Variants in SLC24A3 observed in about 807,000 individuals in gnomAD.
SLC24A3 encodes the protein solute carrier family 24 member 3.
In SLC24A3, 28 loss-of-function variants were observed where a neutral mutation model predicts 75.8. That is an observed-to-expected ratio of 0.37 (90% confidence interval 0.27 to 0.51). The LOEUF is 0.51. Among genes scored for constraint, SLC24A3 ranks in the 20% least tolerant of loss-of-function variants. The pLI, the probability that SLC24A3 is intolerant of heterozygous loss-of-function variation, is 0.94. For missense variants in SLC24A3, 663 were observed against 847.8 expected (o/e 0.78, Z 2.71); for synonymous variants, 372 against 334.1 (o/e 1.11, Z -1.24).
chr20:19,291,688 C>T (rs946929811), intron 2 of SLC24A3, among the ~76,000 whole-genome samples: 7 of 152,232 alleles, frequency 4.6e-5, no homozygotes, highest in Non-Finnish European at 1.0e-4. Context: ...TGGATTTGGG[C>T]CCAGCCCAGT....
At chr20:19,511,585 C>T (rs1455166371) in intron 2 of SLC24A3, among the ~76,000 whole-genome samples, 2 of 152,154 alleles carry the variant, frequency 1.3e-5, no homozygotes, top group Non-Finnish European at 2.9e-5. Context: ...CATCGGCCTC[C>T]CAAAGTGCTG....
intron 2 of SLC24A3, among the ~76,000 whole-genome samples, chr20:19,327,189 G>A (rs182878967): frequency 8.5e-5 from 13 of 152,270 alleles, no homozygotes; most frequent in Non-Finnish European, 1.9e-4. Flanking sequence ...TAGATTACTG[G>A]AAATGCGTTG....
At chr20:19,359,687 C>T (rs549723540) in intron 2 of SLC24A3, among the ~76,000 whole-genome samples, 1 of 152,324 alleles carries the variant, frequency 6.6e-6, no homozygotes, top group East Asian at 1.9e-4. Flanking sequence ...CGACAGTCTA[C>T]AGAGAAAAAT....
At chr20:19,293,921 A>AC (rs149833624) in intron 2 of SLC24A3, among the ~76,000 whole-genome samples, 8,332 of 151,854 alleles carry the variant, frequency 0.055, 741 homozygotes, top group African/African-American at 0.19. Flanking sequence ...GTTCTAGGAC[A>AC]CCCCCCCACC....
intron 2 of SLC24A3, among the ~76,000 whole-genome samples, chr20:19,452,376 ATGTGTG>A (rs34840970): frequency 0.019 from 2,179 of 113,040 alleles, 44 homozygotes; most frequent in African/African-American, 0.046. Context: ...CCTGTGGGGG[ATGTGTG>A]TGTGTGTGTG....
chr20:19,714,422 AAAAAC>A (rs1363756396), intron 15 of SLC24A3, among the ~76,000 whole-genome samples: 4 of 138,888 alleles, frequency 2.9e-5, no homozygotes, highest in African/African-American at 5.4e-5. Context: ...AAAAAAAAAA[AAAAAC>A]AACAAAAAGA....
intron 1 of SLC24A3, among the ~76,000 whole-genome samples, chr20:19,259,834 T>C (rs1191840342): frequency 6.6e-6 from 1 of 152,250 alleles, no homozygotes; most frequent in Non-Finnish European, 1.5e-5. Context: ...TTTATAGTTT[T>C]TTCCCCCTGT....
At chr20:19,663,644 G>A (rs559272373) in intron 7 of SLC24A3, among the ~76,000 whole-genome samples, 2 of 151,364 alleles carry the variant, frequency 1.3e-5, no homozygotes, top group East Asian at 4.0e-4. Flanking sequence ...CTCTTTCCCT[G>A]TCTGCCTCCC....
intron 15 of SLC24A3, among the ~76,000 whole-genome samples, chr20:19,704,530 A>T (rs2032907015): frequency 6.6e-6 from 1 of 152,218 alleles, no homozygotes; most frequent in Non-Finnish European, 1.5e-5. Context: ...GGAAGGATAG[A>T]CAGTACATAC....
rs1376384287 is a variant in SLC24A3, at chr20:19,381,071, A to G, written c.271+99984A>G. 5.3e-5 allele frequency among the ~76,000 whole-genome samples: 8 copies of G among 152,236 alleles called. No homozygotes were observed. The East Asian group carries it at 1.5e-3, about 29-fold the overall frequency. ...TCAGTGTCCTGCATAGATGGTAGCT[A>G]TTAGCATAATGACTATCACTAATAT... On this transcript the variant is annotated intron_variant, in intron 2 of 16. Coordinates refer to ENST00000328041, the MANE Select transcript of SLC24A3 (RefSeq NM_020689.4).
chr20:19,527,147 C>G (rs2030213669), intron 3 of SLC24A3, among the ~76,000 whole-genome samples: 1 of 152,120 alleles, frequency 6.6e-6, no homozygotes, highest in Non-Finnish European at 1.5e-5. Flanking sequence ...TGGAAGCTTT[C>G]TTTGACTTCC....
rs533483457 is a variant in SLC24A3 at position 19,438,052 on chromosome 20, C to G, written c.272-77436C>G. Among the ~76,000 whole-genome samples the G allele has an allele frequency of 7.2e-5, 11 of 152,302 alleles. 1 individual carries two copies. Among genetic ancestry groups the G allele is most frequent in the South Asian group, 4.1e-4 (2 of 4,822 alleles). On this transcript the variant is annotated intron_variant, in intron 2 of 16. Transcript: ENST00000328041. ...CCTGAAAGGCTCTGGCATTAGTGCCCAAACACTCTCACTTCCTCAAGGTCC... is the reference window on the plus strand; with the variant it reads ...CCTGAAAGGCTCTGGCATTAGTGCCGAAACACTCTCACTTCCTCAAGGTCC...
At chr20:19,247,223 G>A (rs1267569232) in intron 1 of SLC24A3, among the ~76,000 whole-genome samples, 1 of 152,148 alleles carries the variant, frequency 6.6e-6, no homozygotes, top group African/African-American at 2.4e-5. Context: ...CTCTCTGATG[G>A]CTCAGTGAGG....
chr20:19,305,379 C>G (rs1445192858), intron 2 of SLC24A3, among the ~76,000 whole-genome samples: 1 of 151,950 alleles, frequency 6.6e-6, no homozygotes, highest in African/African-American at 2.4e-5. Context: ...TTGAGGCACC[C>G]GAACCACCAG....
chr20:19,686,525 G>GT, intron 12 of SLC24A3, among the ~76,000 whole-genome samples: 1 of 152,352 alleles, frequency 6.6e-6, no homozygotes, highest in Middle Eastern at 3.4e-3. Flanking sequence ...GTGAGGCTCA[G>GT]TATACATGTG....
At chr20:19,310,889 A>G (rs1004670169) in intron 2 of SLC24A3, among the ~76,000 whole-genome samples, 34 of 152,338 alleles carry the variant, frequency 2.2e-4, no homozygotes, top group African/African-American at 7.2e-4. Context: ...TAAATCTGAA[A>G]TAAAGCCTTT....
At chr20:19,714,948 G>A (rs761212051) in intron 15 of SLC24A3, among the ~76,000 whole-genome samples, 1 of 152,206 alleles carries the variant, frequency 6.6e-6, no homozygotes, top group Non-Finnish European at 1.5e-5. Context: ...GCTGACAAGG[G>A]TTTGACCCTG....
chr20:19,224,121 A>AGTGTGTGT (rs11470026), intron 1 of SLC24A3, among the ~76,000 whole-genome samples: 44 of 149,310 alleles, frequency 2.9e-4, no homozygotes, highest in African/African-American at 1.0e-3. Flanking sequence ...TGAGTGTGTG[A>AGTGTGTGT]GTGTGTGTGT....
At chr20:19,297,058 A>C (rs1481682525) in intron 2 of SLC24A3, among the ~76,000 whole-genome samples, 2 of 152,190 alleles carry the variant, frequency 1.3e-5, no homozygotes, top group Non-Finnish European at 2.9e-5. Flanking sequence ...TTTTATACTG[A>C]ATGCATATAG....
Sources: gnomAD v4.1 joint callset for allele counts (sites outside exome capture counted in the v4.1 genomes callset) on GRCh38, gnomAD v4.1.1 for gene constraint, MANE v1.5 for transcripts, NCBI Gene and HGNC (gene_info 2026-07-23, HGNC 2026-07-21) for gene names.